Variants in PLD5 observed in about 807,000 individuals in gnomAD.
The protein encoded by PLD5 is phospholipase D family member 5, also known as inactive phospholipase D5.
PLD5 carries 36 observed loss-of-function variants against 61.1 expected under a neutral mutation model. The observed-to-expected ratio is 0.59, with a 90% CI of 0.45 to 0.78. The LOEUF (loss-of-function observed/expected upper bound fraction) is 0.78, where lower values mean the gene tolerates loss of function less well. Ranked by LOEUF, PLD5 falls within the 30% of genes least tolerant of loss-of-function variation. PLD5 has a pLI of 0.00. For missense variants in PLD5, 515 were observed against 644.4 expected (o/e 0.80, Z 2.17); for synonymous variants, 243 against 242.8 (o/e 1.00, Z -0.01).
intron 5 of PLD5, chr1:242,178,313 T>A (rs1003018213): frequency 6.6e-6 from 1 of 152,198 alleles, no homozygotes; most frequent in South Asian, 2.1e-4. Context: ...CTTCCCATGT[T>A]CCAAGTCCAC....
At chr1:242,430,480 G>A (rs1442573195) in intron 1 of PLD5, among the ~76,000 whole-genome samples, 2 of 152,016 alleles carry the variant, frequency 1.3e-5, no homozygotes, top group Non-Finnish European at 2.9e-5. Context: ...CACCTCCAAA[G>A]AGCATCACAC....
At chr1:242,295,876 G>A (rs1211264997) in intron 2 of PLD5, among the ~76,000 whole-genome samples, 7 of 151,304 alleles carry the variant, frequency 4.6e-5, no homozygotes, top group East Asian at 3.9e-4. Context: ...TTTAGTTTGC[G>A]TTTCTCTGAT....
At chr1:242,518,852 A>C (rs562563217) in intron 1 of PLD5, among the ~76,000 whole-genome samples, 2 of 152,334 alleles carry the variant, frequency 1.3e-5, no homozygotes, top group African/African-American at 4.8e-5. Context: ...GTCAACCTGC[A>C]GTGAGAGAAG....
At chr1:242,388,713 T>C (rs1397616280) in intron 1 of PLD5, among the ~76,000 whole-genome samples, 5 of 152,008 alleles carry the variant, frequency 3.3e-5, no homozygotes, top group Non-Finnish European at 5.9e-5. Context: ...ATCATTGAGA[T>C]TGGGAGGCCG....
At chr1:242,434,339 AAG>A (rs1293957419) in intron 1 of PLD5, among the ~76,000 whole-genome samples, 3 of 152,226 alleles carry the variant, frequency 2.0e-5, no homozygotes, top group Non-Finnish European at 4.4e-5. Flanking sequence ...AGCTACTGAA[AAG>A]AGAGAGTTGT....
At chr1:242,432,504 G>A (rs1028384733) in intron 1 of PLD5, among the ~76,000 whole-genome samples, 18 of 152,312 alleles carry the variant, frequency 1.2e-4, no homozygotes, top group African/African-American at 3.8e-4. Context: ...TAAATGGAAG[G>A]TGTGTCTTTA....
At chr1:242,240,918 T>C (rs1440367969) in intron 4 of PLD5, among the ~76,000 whole-genome samples, 1 of 152,172 alleles carries the variant, frequency 6.6e-6, no homozygotes, top group East Asian at 1.9e-4. Flanking sequence ...AGAACATGAA[T>C]CATTCTGGGA....
At chr1:242,384,592 C>T (rs970110676) in intron 1 of PLD5, among the ~76,000 whole-genome samples, 1 of 152,178 alleles carries the variant, frequency 6.6e-6, no homozygotes, top group East Asian at 1.9e-4. Context: ...TCGTCTTATT[C>T]ATTTACACTT....
At chr1:242,483,272 T>TA (rs1332534993) in intron 1 of PLD5, among the ~76,000 whole-genome samples, 2 of 152,034 alleles carry the variant, frequency 1.3e-5, no homozygotes, top group Non-Finnish European at 2.9e-5. Context: ...GCAAATTGGA[T>TA]AAAGAGTCAA....
At chr1:242,415,840 T>A (rs1664809651) in intron 1 of PLD5, among the ~76,000 whole-genome samples, 1 of 152,118 alleles carries the variant, frequency 6.6e-6, no homozygotes, top group Admixed American at 6.6e-5. Flanking sequence ...CTAAGGAAAG[T>A]TCTAGAATGA....
At chr1:242,401,798 T>A (rs1663949421) in intron 1 of PLD5, among the ~76,000 whole-genome samples, 1 of 152,226 alleles carries the variant, frequency 6.6e-6, no homozygotes, top group African/African-American at 2.4e-5. Flanking sequence ...TTGGTTTCAA[T>A]GCTTGCATTG....
Position 242,169,449 on chromosome 1 carries a change from C to G in PLD5, c.736-44784G>C, listed in dbSNP as rs902229186. Among the ~76,000 whole-genome samples the G allele has an allele frequency of 3.9e-5, 6 of 152,182 alleles. 1 individual carries two copies. The highest frequency in any genetic ancestry group is 1.4e-4 in the African/African-American group (6 of 41,452). ...CCCATGGTCTTCAAAACCCGTAGACCAGGAGATACCCTCCAGTGCCTACCC... is the reference window on the plus strand; with the variant it reads ...CCCATGGTCTTCAAAACCCGTAGACGAGGAGATACCCTCCAGTGCCTACCC... On this transcript the variant is annotated intron_variant, in intron 5 of 9. Coordinates refer to ENST00000536534, the MANE Select transcript of PLD5 (RefSeq NM_001372062.1).
intron 5 of PLD5, among the ~76,000 whole-genome samples, chr1:242,188,060 TA>T (rs1313855540): frequency 6.6e-6 from 1 of 152,086 alleles, no homozygotes; most frequent in African/African-American, 2.4e-5. Flanking sequence ...CAGACGTCAT[TA>T]GGGGTGAATC....
rs1343502133 is a variant in PLD5, at chr1:242,088,886, A to G, written c.*968T>C. ...TAGAAACGTTTGCTGGCATACTCTT[A>G]ACAGCATAATGATTCTAAAGAAATT... On this transcript the variant is annotated 3_prime_UTR_variant, in exon 10 of 10. Coordinates refer to ENST00000536534, the MANE Select transcript of PLD5 (RefSeq NM_001372062.1). 6.4e-6 allele frequency: 1 copy of G among 155,742 alleles called. No individual in the cohort carries two copies. Among genetic ancestry groups the G allele is most frequent in the African/African-American group, 2.4e-5 (1 of 41,662 alleles). The allele number at this position is 155,742 out of a possible 1,614,324, so 9.6% of individuals were successfully genotyped here.
intron 1 of PLD5, among the ~76,000 whole-genome samples, chr1:242,371,215 A>T (rs1558504231): frequency 6.6e-6 from 1 of 152,134 alleles, no homozygotes; most frequent in South Asian, 2.1e-4. Context: ...GAACACACAC[A>T]CGCACACACT....
intron 1 of PLD5, among the ~76,000 whole-genome samples, chr1:242,400,665 A>G (rs950144591): frequency 8.5e-5 from 13 of 152,290 alleles, no homozygotes; most frequent in East Asian, 1.9e-4. Flanking sequence ...GGAGTGGCCC[A>G]GCACGGACCT....
intron 2 of PLD5, among the ~76,000 whole-genome samples, chr1:242,295,170 G>A (rs1295022020): frequency 1.3e-5 from 2 of 152,176 alleles, no homozygotes; most frequent in South Asian, 2.1e-4. Flanking sequence ...GGGTACACAC[G>A]CAGGTTTCTT....
At chr1:242,096,313 A>G (rs6690033) in intron 9 of PLD5, among the ~76,000 whole-genome samples, 16,831 of 150,482 alleles carry the variant, frequency 0.11, 960 homozygotes, top group East Asian at 0.15. Flanking sequence ...CGATCGAAAG[A>G]TCGATCTCTC....
chr1:242,212,367 C>T (rs1169510534), intron 5 of PLD5, among the ~76,000 whole-genome samples: 1 of 152,158 alleles, frequency 6.6e-6, no homozygotes, highest in Non-Finnish European at 1.5e-5. Context: ...TCTTTTAACG[C>T]TTATTTAAAA....
Sources: allele counts gnomAD v4.1 joint callset (sites outside exome capture counted in the v4.1 genomes callset), GRCh38; gene constraint gnomAD v4.1.1; transcripts MANE v1.5; gene names NCBI Gene and HGNC (gene_info 2026-07-23, HGNC 2026-07-21).